CHODL: variants seen among roughly 807,000 people sequenced by gnomAD.
The protein encoded by CHODL is transmembrane protein MT75.
In CHODL, 29 loss-of-function variants were observed where a neutral mutation model predicts 34.5. That is an observed-to-expected ratio of 0.84 (90% CI 0.63 to 1.15). The LOEUF is 1.15. CHODL is among the 50% of genes most tolerant of loss of function. The pLI is 0.00. For synonymous variants in CHODL, 125 were observed against 116.1 expected, an observed-to-expected ratio of 1.08 and a Z score of -0.49; for missense variants, 332 against 332.5, an observed-to-expected ratio of 1.00 and a Z score of 0.01.
intron 2 of CHODL, among the ~76,000 whole-genome samples, chr21:18,114,255 A>G (rs536610880): frequency 1.3e-5 from 2 of 152,276 alleles, no homozygotes; most frequent in South Asian, 4.1e-4. Context: ...CATCAATGAT[A>G]ACTTACTTGC....
rs553778057 is a variant in CHODL, at chr21:18,191,649, T to C, written c.-44-64860T>C. ...TTAGCCCAGGTTTTCATCACGTTGT[T>C]AGATTTTTGTGATTGAGGTGTAGAA... On this transcript the variant is annotated intron_variant, in intron 2 of 6. Coordinates refer to the CHODL transcript ENST00000400127. 2.0e-5 allele frequency among the ~76,000 whole-genome samples: 3 copies of C among 152,320 alleles called. No individual in the cohort carries two copies. In the South Asian group the frequency reaches 6.2e-4, roughly 32 times the overall value.
At chr21:17,919,134 G>A (rs1019580105) in intron 1 of CHODL, among the ~76,000 whole-genome samples, 1 of 152,168 alleles carries the variant, frequency 6.6e-6, no homozygotes, top group Non-Finnish European at 1.5e-5. Context: ...TTACAGGTGC[G>A]CAGTGCAAGC....
intron 2 of CHODL, among the ~76,000 whole-genome samples, chr21:18,201,898 G>A (rs950791675): frequency 2.1e-5 from 3 of 144,776 alleles, no homozygotes; most frequent in Admixed American, 1.4e-4. Flanking sequence ...TCCGCCTCCC[G>A]GGTTCCCGCC....
chr21:18,142,391 A>G (rs749231010), intron 2 of CHODL, among the ~76,000 whole-genome samples: 3 of 152,188 alleles, frequency 2.0e-5, no homozygotes, highest in Non-Finnish European at 4.4e-5. Flanking sequence ...ATTATTGGCT[A>G]TGAATATTAA....
intron 2 of CHODL, among the ~76,000 whole-genome samples, chr21:18,225,748 C>CT (rs921071445): frequency 2.6e-5 from 4 of 151,812 alleles, no homozygotes; most frequent in East Asian, 1.9e-4. Context: ...TAAAAATGAG[C>CT]TTTTTTTGGT....
chr21:18,009,745 G>A (rs158072), intron 1 of CHODL, among the ~76,000 whole-genome samples: 4,295 of 151,422 alleles, frequency 0.028, 191 homozygotes, highest in African/African-American at 0.096. Context: ...AAAATTAGCC[G>A]GGCGTGGTGG....
At chr21:18,010,800 T>C (rs1287696411) in intron 1 of CHODL, among the ~76,000 whole-genome samples, 1 of 152,228 alleles carries the variant, frequency 6.6e-6, no homozygotes, top group African/African-American at 2.4e-5. Flanking sequence ...CCATTTAAGC[T>C]TTTTAGCATT....
At chr21:18,003,146 A>AC (rs1164814478) in intron 1 of CHODL, among the ~76,000 whole-genome samples, 4 of 148,272 alleles carry the variant, frequency 2.7e-5, no homozygotes, top group East Asian at 2.0e-4. Flanking sequence ...CAAAAAAAAA[A>AC]CCCAAGAGCC....
intron 1 of CHODL, among the ~76,000 whole-genome samples, chr21:18,004,660 T>A (rs192413781): frequency 1.3e-5 from 2 of 152,178 alleles, no homozygotes; most frequent in African/African-American, 2.4e-5. Context: ...ATGGCTTATA[T>A]TTTTTTCTCA....
At chr21:18,003,339 T>C (rs2054516138) in intron 1 of CHODL, among the ~76,000 whole-genome samples, 2 of 150,906 alleles carry the variant, frequency 1.3e-5, no homozygotes, top group Non-Finnish European at 3.0e-5. Context: ...TTTGATATCT[T>C]CCACACTGGC....
At chr21:18,092,749 G>C (rs1222794661) in intron 2 of CHODL, among the ~76,000 whole-genome samples, 3 of 152,122 alleles carry the variant, frequency 2.0e-5, no homozygotes, top group African/African-American at 7.2e-5. Context: ...TTGAAGACAG[G>C]CTATTTGAAA....
chr21:18,149,621 T>C (rs1601072314), intron 2 of CHODL, among the ~76,000 whole-genome samples: 1 of 152,302 alleles, frequency 6.6e-6, no homozygotes, highest in East Asian at 1.9e-4. Flanking sequence ...TCAAGCTACA[T>C]CTCAATGATA....
chr21:17,935,912 G>A (rs2063315282), intron 1 of CHODL, among the ~76,000 whole-genome samples: 1 of 152,216 alleles, frequency 6.6e-6, no homozygotes, highest in African/African-American at 2.4e-5. Flanking sequence ...AATAAAAAGT[G>A]ATGAGTGCCA....
intron 2 of CHODL, among the ~76,000 whole-genome samples, chr21:18,066,269 C>T (rs2064730440): frequency 6.6e-6 from 1 of 152,138 alleles, no homozygotes; most frequent in African/African-American, 2.4e-5. Context: ...AACTGAGATT[C>T]TCAGGCTGGA....
chr21:17,981,428 T>A (rs2063713232), intron 1 of CHODL, among the ~76,000 whole-genome samples: 1 of 152,220 alleles, frequency 6.6e-6, no homozygotes. Context: ...GTGACTAACC[T>A]CATTTTTGGC....
intron 1 of CHODL, among the ~76,000 whole-genome samples, chr21:17,953,871 G>A (rs2063477522): frequency 6.6e-6 from 1 of 152,022 alleles, no homozygotes; most frequent in African/African-American, 2.4e-5. Flanking sequence ...TTAGCTGGGT[G>A]TGGTGGTGCG....
intron 2 of CHODL, among the ~76,000 whole-genome samples, chr21:18,137,719 TAAC>T (rs2072750897): frequency 6.6e-6 from 1 of 152,186 alleles, no homozygotes; most frequent in Non-Finnish European, 1.5e-5. Context: ...TTTTTAAAAA[TAAC>T]AACGATGGTA....
upstream of CHODL, among the ~76,000 whole-genome samples, chr21:18,244,181 T>G (rs1236813518): frequency 6.6e-6 from 1 of 152,234 alleles, no homozygotes; most frequent in Non-Finnish European, 1.5e-5. Flanking sequence ...TACATACATT[T>G]CATTTTACCT....
chr21:18,194,169 G>GT (rs2146696732), intron 2 of CHODL, among the ~76,000 whole-genome samples: 1 of 152,268 alleles, frequency 6.6e-6, no homozygotes, highest in South Asian at 2.1e-4. Flanking sequence ...AATCTTCTCT[G>GT]TAAAGAAACT....
Sources: gnomAD v4.1 joint callset for allele counts (sites outside exome capture counted in the v4.1 genomes callset) on GRCh38, gnomAD v4.1.1 for gene constraint, MANE v1.5 for transcripts, NCBI Gene and HGNC (gene_info 2026-07-23, HGNC 2026-07-21) for gene names.